Variants in TUSC3 observed in about 807,000 individuals in gnomAD.
The protein encoded by TUSC3 is tumor suppressor candidate 3, also known as dolichyl-diphosphooligosaccharide--protein glycosyltransferase subunit TUSC3.
TUSC3 carries 45 observed loss-of-function variants against 44.8 expected under a neutral mutation model. The observed-to-expected ratio is 1.00, with a 90% confidence interval of 0.79 to 1.29. The LOEUF (loss-of-function observed/expected upper bound fraction) is 1.29. Among genes scored for constraint, TUSC3 ranks in the 50% most tolerant of loss-of-function variants. The pLI, the probability that TUSC3 is intolerant of heterozygous loss-of-function variation, is 0.00. For missense variants in TUSC3, 519 were observed against 437.9 expected, an observed-to-expected ratio of 1.19 and a Z score of -1.65; for synonymous variants, 212 against 152.9, an observed-to-expected ratio of 1.39 and a Z score of -2.85.
At chr8:15,621,283 A>G (rs1008452868) in intron 1 of TUSC3, among the ~76,000 whole-genome samples, 1 of 151,664 alleles carries the variant, frequency 6.6e-6, no homozygotes, top group Admixed American at 6.6e-5. Flanking sequence ...AAAACTTATT[A>G]AATATATAAC....
chr8:15,725,756 T>C (rs1194842761), intron 6 of TUSC3, among the ~76,000 whole-genome samples: 1 of 152,150 alleles, frequency 6.6e-6, no homozygotes, highest in Non-Finnish European at 1.5e-5. Context: ...TTAGAGTAAT[T>C]TGCTAAAGGT....
intron 2 of TUSC3, among the ~76,000 whole-genome samples, chr8:15,494,838 CTCTT>C (rs879329138): frequency 2.2e-4 from 34 of 152,156 alleles, no homozygotes; most frequent in Non-Finnish European, 3.8e-4. Flanking sequence ...TAACTGCAAG[CTCTT>C]TCTGTTTCTC....
chr8:15,444,347 A>C (rs1800063592), intron 1 of TUSC3, among the ~76,000 whole-genome samples: 3 of 152,152 alleles, frequency 2.0e-5, no homozygotes, highest in Admixed American at 1.3e-4. Flanking sequence ...AGTAGGGGTT[A>C]CAGACTGGAC....
intron 6 of TUSC3, among the ~76,000 whole-genome samples, chr8:15,712,047 G>C (rs1214866095): frequency 6.6e-6 from 1 of 151,744 alleles, no homozygotes; most frequent in African/African-American, 2.4e-5. Flanking sequence ...GCTGTGCACA[G>C]TTTCGTCACA....
At chr8:15,819,951 C>G in the TUSC3 span, among the ~76,000 whole-genome samples, 5 of 152,202 alleles carry the variant, frequency 3.3e-5, no homozygotes, top group East Asian at 7.8e-4. Context: ...TCAGGCATAT[C>G]CCCAGATTAA....
chr8:15,522,238 T>G (rs1367935222), intron 2 of TUSC3, among the ~76,000 whole-genome samples: 1 of 150,558 alleles, frequency 6.6e-6, no homozygotes, highest in African/African-American at 2.4e-5. Flanking sequence ...AGCCCTTTGT[T>G]TTTTTTTTTT....
chr8:15,517,135 GGGA>G (rs1203339486), intron 2 of TUSC3, among the ~76,000 whole-genome samples: 1 of 152,068 alleles, frequency 6.6e-6, no homozygotes, highest in African/African-American at 2.4e-5. Flanking sequence ...AAGTACTCCA[GGGA>G]TTCTCTAGCA....
At chr8:15,427,980 T>C (rs1401055267) in intron 1 of TUSC3, among the ~76,000 whole-genome samples, 1 of 151,952 alleles carries the variant, frequency 6.6e-6, no homozygotes, top group Non-Finnish European at 1.5e-5. Context: ...TTTTTTTTAT[T>C]ATTATACTTT....
intron 1 of TUSC3, among the ~76,000 whole-genome samples, chr8:15,437,954 G>T (rs750637593): frequency 6.6e-6 from 1 of 152,186 alleles, no homozygotes; most frequent in Admixed American, 6.5e-5. Flanking sequence ...GAAGCAGGCA[G>T]AATAAAAGCT....
At chr8:15,818,561 A>G in the TUSC3 span, among the ~76,000 whole-genome samples, 4 of 152,186 alleles carry the variant, frequency 2.6e-5, no homozygotes, top group Non-Finnish European at 4.4e-5. Context: ...ATGCACTTCT[A>G]AAGAGTAGAG....
At chr8:15,516,851 A>G (rs528192968) in intron 2 of TUSC3, among the ~76,000 whole-genome samples, 6 of 152,324 alleles carry the variant, frequency 3.9e-5, no homozygotes, top group African/African-American at 1.4e-4. Flanking sequence ...TGAGTCTATG[A>G]TTTTTACAGT....
chr8:15,610,578 G>A (rs1323003461), intron 1 of TUSC3, among the ~76,000 whole-genome samples: 1 of 152,150 alleles, frequency 6.6e-6, no homozygotes, highest in African/African-American at 2.4e-5. Flanking sequence ...TTATATATAA[G>A]TGAGATACAT....
At chr8:15,431,143 C>T (rs1252782962) in intron 1 of TUSC3, among the ~76,000 whole-genome samples, 1 of 151,650 alleles carries the variant, frequency 6.6e-6, no homozygotes, top group Non-Finnish European at 1.5e-5. Flanking sequence ...GTTTATTTCT[C>T]AAGATCACTT....
the TUSC3 span, among the ~76,000 whole-genome samples, chr8:15,839,057 T>G: frequency 6.6e-6 from 1 of 152,166 alleles, no homozygotes; most frequent in Non-Finnish European, 1.5e-5. Context: ...GTAGTTCTCC[T>G]TGAAGAGGTC....
At chr8:15,694,743 G>A (rs997230261) in intron 6 of TUSC3, among the ~76,000 whole-genome samples, 2 of 152,238 alleles carry the variant, frequency 1.3e-5, no homozygotes, top group South Asian at 2.1e-4. Context: ...CCCTAACTCT[G>A]GGGGGCTGGT....
At chr8:15,733,137 C>T (rs934831783) in intron 7 of TUSC3, among the ~76,000 whole-genome samples, 5 of 152,046 alleles carry the variant, frequency 3.3e-5, no homozygotes, top group African/African-American at 9.7e-5. Context: ...GAGGTGCCTT[C>T]GGTGAGAAAA....
intron 1 of TUSC3, among the ~76,000 whole-genome samples, chr8:15,545,283 G>C (rs968658535): frequency 6.6e-6 from 1 of 151,514 alleles, no homozygotes; most frequent in African/African-American, 2.4e-5. Flanking sequence ...TTGAGCTTCA[G>C]TTCACATTGA....
At chr8:15,742,557 G>C (rs1246160831) in intron 7 of TUSC3, among the ~76,000 whole-genome samples, 2 of 152,164 alleles carry the variant, frequency 1.3e-5, no homozygotes, top group African/African-American at 4.8e-5. Flanking sequence ...TCCACTTGCT[G>C]GTATATTGCC....
the TUSC3 span, among the ~76,000 whole-genome samples, chr8:15,843,820 C>G: frequency 2.0e-5 from 3 of 151,810 alleles, no homozygotes; most frequent in African/African-American, 7.3e-5. Flanking sequence ...TAGCTTTGTC[C>G]TTGAATATCT....
Sources: gnomAD v4.1 joint callset for allele counts (sites outside exome capture counted in the v4.1 genomes callset) on GRCh38, gnomAD v4.1.1 for gene constraint, MANE v1.5 for transcripts, NCBI Gene and HGNC (gene_info 2026-07-23, HGNC 2026-07-21) for gene names.